The following CDH18 variants were observed in gnomAD, a reference collection of about 807,000 sequenced individuals.
The protein encoded by CDH18 is cadherin-18.
CDH18 carries 31 observed loss-of-function variants against 67.9 expected under a neutral mutation model. That is an observed-to-expected ratio of 0.46 (90% CI 0.34 to 0.62). The LOEUF is 0.62. Ranked by LOEUF, CDH18 falls within the 20% of genes least tolerant of loss-of-function variation. The pLI is 0.01. For missense variants in CDH18, 890 were observed against 975.5 expected, an observed-to-expected ratio of 0.91 and a Z score of 1.17; for synonymous variants, 362 against 347.2, an observed-to-expected ratio of 1.04 and a Z score of -0.48.
At chr5:19,946,994 T>C (rs1024401000) in intron 2 of CDH18, among the ~76,000 whole-genome samples, 2 of 152,136 alleles carry the variant, frequency 1.3e-5, no homozygotes, top group African/African-American at 4.8e-5. Context: ...TTTACAATCA[T>C]ATCAATGATA....
At chr5:20,252,712 C>T (rs547371403) in intron 2 of CDH18, among the ~76,000 whole-genome samples, 12 of 151,748 alleles carry the variant, frequency 7.9e-5, no homozygotes, top group African/African-American at 2.4e-4. Flanking sequence ...CAGAGGCGGG[C>T]GGATCACGAG....
chr5:19,511,177 GAA>G (rs1745059149), intron 10 of CDH18, among the ~76,000 whole-genome samples: 1 of 152,052 alleles, frequency 6.6e-6, no homozygotes, highest in East Asian at 1.9e-4. Flanking sequence ...GCAGGCTTCT[GAA>G]GAAGGTGCCT....
At chr5:20,028,458 T>C (rs868523522) in intron 2 of CDH18, among the ~76,000 whole-genome samples, 1 of 152,190 alleles carries the variant, frequency 6.6e-6, no homozygotes, top group Admixed American at 6.5e-5. Context: ...ATATATCTAC[T>C]ACTTCCTGAG....
intron 9 of CDH18, 40 bp from the exon 10 acceptor site, chr5:19,520,818 C>T: frequency 7.5e-6 from 12 of 1,606,224 alleles, no homozygotes; most frequent in Non-Finnish European, 1.0e-5. Context: ...TTTCCATGCA[C>T]ACTTTAGAGG....
At chr5:20,098,467 T>C (rs1746176688) in intron 2 of CDH18, among the ~76,000 whole-genome samples, 1 of 152,132 alleles carries the variant, frequency 6.6e-6, no homozygotes, top group Non-Finnish European at 1.5e-5. Context: ...GTTTTACTCT[T>C]TGACCAACTC....
intron 9 of CDH18, among the ~76,000 whole-genome samples, chr5:19,540,947 A>G (rs1750165380): frequency 6.6e-6 from 1 of 152,046 alleles, no homozygotes; most frequent in Non-Finnish European, 1.5e-5. Context: ...GCAGGCTCGA[A>G]TTTCTTCCCA....
At chr5:20,237,726 A>G (rs2126531664) in intron 2 of CDH18, among the ~76,000 whole-genome samples, 1 of 152,110 alleles carries the variant, frequency 6.6e-6, no homozygotes, top group South Asian at 2.1e-4. Context: ...TAAGATATCA[A>G]TTTTTCACAA....
chr5:20,467,884 AC>A (rs1361814654), intron 1 of CDH18, among the ~76,000 whole-genome samples: 1 of 151,558 alleles, frequency 6.6e-6, no homozygotes, highest in African/African-American at 2.4e-5. Context: ...AATTTTCCGT[AC>A]TTTTGGCTAA....
Position 19,729,973 on chromosome 5 carries a change from T to A in CDH18, c.524-8507A>T, listed in dbSNP as rs550865180. Reference sequence around the variant, plus strand: ...AAACAAGAATAAGTCAATCTCTCTGTCTCTGCCTTTCTGTCTCTCTCTCCC... The same window carrying A: ...AAACAAGAATAAGTCAATCTCTCTGACTCTGCCTTTCTGTCTCTCTCTCCC... On this transcript the variant is annotated intron_variant, in intron 4 of 12. Coordinates refer to ENST00000382275, the MANE Select transcript of CDH18 (RefSeq NM_004934.5). Among the ~76,000 whole-genome samples, 4 of 152,194 alleles carry A rather than the reference T, an allele frequency of 2.6e-5. No individual in the cohort carries two copies. In the Middle Eastern group the frequency reaches 0.01, roughly 388 times the overall value.
chr5:20,501,696 A>C (rs1379033917), intron 1 of CDH18, among the ~76,000 whole-genome samples: 3 of 133,074 alleles, frequency 2.3e-5, no homozygotes, highest in South Asian at 4.7e-4. Context: ...CCTCCTGGCC[A>C]AACCCTAAAA....
At chr5:19,638,912 G>A (rs1287127455) in intron 5 of CDH18, among the ~76,000 whole-genome samples, 1 of 140,856 alleles carries the variant, frequency 7.1e-6, no homozygotes, top group East Asian at 2.0e-4. Context: ...AGACTTTTTG[G>A]GCAATATTCA....
At chr5:19,767,016 T>A in intron 3 of CDH18, among the ~76,000 whole-genome samples, 1 of 151,742 alleles carries the variant, frequency 6.6e-6, no homozygotes, top group East Asian at 1.9e-4. Context: ...TAATAAATAT[T>A]ATTAAAAATA....
intron 3 of CDH18, among the ~76,000 whole-genome samples, chr5:19,782,455 G>C (rs78014431): frequency 0.015 from 2,226 of 152,290 alleles, 36 homozygotes; most frequent in Non-Finnish European, 0.024. Flanking sequence ...CTTTTCCACA[G>C]AGAGGAGTAA....
chr5:19,663,429 A>G (rs1002973143), intron 5 of CDH18, among the ~76,000 whole-genome samples: 5 of 151,924 alleles, frequency 3.3e-5, no homozygotes, highest in Admixed American at 3.3e-4. Context: ...ATTCATTGAG[A>G]GTGATTTGAG....
In CDH18 at chr5:20,082,176, G is replaced by C. The variant is rs112292485; in HGVS notation, c.-517-90162C>G. Among the ~76,000 whole-genome samples the C allele has an allele frequency of 2.2e-3, 333 of 150,658 alleles. 1 individual carries two copies. Among genetic ancestry groups the C allele is most frequent in the African/African-American group, 7.6e-3 (313 of 41,182 alleles). ...CCTGTGATATTAATCCTCAGTTTAA[G>C]GTACGCTTTTTCCTATTGTCAAATC... On this transcript the variant is annotated intron_variant, in intron 2 of 14. Transcript: ENST00000507958.
At chr5:19,596,045 C>T (rs1039954707) in intron 6 of CDH18, among the ~76,000 whole-genome samples, 4 of 152,192 alleles carry the variant, frequency 2.6e-5, no homozygotes, top group Non-Finnish European at 5.9e-5. Context: ...ATCCCTCCTT[C>T]GTTCTCACAG....
intron 1 of CDH18, among the ~76,000 whole-genome samples, chr5:20,504,599 T>C (rs1754539987): frequency 6.6e-6 from 1 of 152,066 alleles, no homozygotes; most frequent in African/African-American, 2.4e-5. Context: ...ATTGCTATAA[T>C]TAGTATGATA....
intron 2 of CDH18, among the ~76,000 whole-genome samples, chr5:20,181,486 C>T (rs1317526553): frequency 6.6e-6 from 1 of 152,110 alleles, no homozygotes; most frequent in African/African-American, 2.4e-5. Context: ...TCAACTGAGG[C>T]AACCACTCCA....
intron 3 of CDH18, among the ~76,000 whole-genome samples, chr5:19,760,757 T>C (rs1449723987): frequency 1.3e-5 from 2 of 152,150 alleles, no homozygotes; most frequent in African/African-American, 4.8e-5. Flanking sequence ...GCCGGGACTT[T>C]AGTTATAGAT....
Sources: allele counts gnomAD v4.1 joint callset (sites outside exome capture counted in the v4.1 genomes callset), GRCh38; gene constraint gnomAD v4.1.1; transcripts MANE v1.5; gene names NCBI Gene and HGNC (gene_info 2026-07-23, HGNC 2026-07-21).